Variants in COL6A2 observed in about 807,000 individuals in gnomAD.
COL6A2 encodes the protein collagen alpha-2(VI) chain.
A neutral mutation model predicts 124.9 loss-of-function variants in COL6A2; 90 were observed. The observed-to-expected ratio is 0.72, with a 90% CI of 0.61 to 0.86. The LOEUF (loss-of-function observed/expected upper bound fraction) is 0.86, where lower values mean the gene tolerates loss of function less well. Among genes scored for constraint, COL6A2 ranks in the 40% least tolerant of loss-of-function variants. The probability of loss-of-function intolerance (pLI) is 0.00; values close to 1 mark genes in which losing one functional copy is unlikely to be tolerated. For synonymous variants in COL6A2, 793 were observed against 618.2 expected (o/e 1.28, Z -4.19); for missense variants, 1,607 against 1,502.5 (o/e 1.07, Z -1.15).
chr21:46,118,762 T>A (rs2123636253), intron 13 of COL6A2, 86 bp downstream of exon 13: 4 of 1,462,740 alleles, frequency 2.7e-6, no homozygotes, highest in Non-Finnish European at 2.8e-6. Flanking sequence ...GGCCACCATC[T>A]CTGCTGTCAC....
intron 17 of COL6A2, among the ~76,000 whole-genome samples, 171 bp downstream of exon 17, chr21:46,121,294 C>T (rs1357374831): frequency 3.3e-5 from 5 of 152,172 alleles, no homozygotes; most frequent in East Asian, 1.9e-4. Flanking sequence ...TCATACCCAC[C>T]CTCAGCCCCA....
At position 46,112,435 on chromosome 21, in the gene COL6A2, C is replaced by T. The variant is rs747347320; in HGVS notation, c.572C>T (p.Ala191Val). The T allele has an allele frequency of 1.7e-5, 27 of 1,609,422 alleles. No individual in the cohort carries two copies. Among genetic ancestry groups the T allele is most frequent in the Admixed American group, 1.7e-5 (1 of 59,942 alleles). ...GAGGGCATCCGGCTCTTCGCCGTGG[C>T]CCCCAACCAGAACCTGAAGGAGCAG... ...REEGIRLFAVAPNQNLKEQGL... is the reference protein window; with the variant it reads ...REEGIRLFAVVPNQNLKEQGL... The change falls in exon 3 of 28, where the codon GCC becomes GTC. Residue 191 changes from alanine to valine, a missense_variant. Coordinates refer to ENST00000300527, the MANE Select transcript of COL6A2 (RefSeq NM_001849.4).
intron 17 of COL6A2, 88 bp from the exon 18 acceptor site, chr21:46,121,468 G>A (rs923485724): frequency 6.1e-6 from 8 of 1,312,348 alleles, no homozygotes; most frequent in Non-Finnish European, 8.8e-6. Context: ...TGGCCTGGTG[G>A]TCAGGGCTGG....
At chr21:46,102,069 A>G (rs2078294111) in intron 1 of COL6A2, among the ~76,000 whole-genome samples, 1 of 151,980 alleles carries the variant, frequency 6.6e-6, no homozygotes, top group Non-Finnish European at 1.5e-5. Flanking sequence ...GTCCTCTTCA[A>G]TTTCTTTCAG....
chr21:46,114,751 A>G (rs1173582096), intron 5 of COL6A2, among the ~76,000 whole-genome samples: 2 of 152,294 alleles, frequency 1.3e-5, no homozygotes, highest in African/African-American at 4.8e-5. Context: ...TGGTTTGAAC[A>G]TCCCCTGCAT....
intron 6 of COL6A2, 40 bp from the exon 7 acceptor site, chr21:46,115,966 GCGC>G (rs759511304): frequency 3.8e-4 from 616 of 1,612,504 alleles, no homozygotes; most frequent in Non-Finnish European, 4.8e-4. Context: ...CTGCAGCCCA[GCGC>G]CCCAGGGCTG....
At position 46,120,653 on chromosome 21, in the gene COL6A2, G is replaced by A. The variant is rs553214460; in HGVS notation, c.1395+76G>A. 9.5e-6 allele frequency: 13 copies of A among 1,364,512 alleles called. No homozygotes were observed. In the Admixed American group the frequency reaches 3.8e-4, roughly 40 times the overall value. The allele number at this position is 1,364,512 out of a possible 1,614,324, so 84.5% of individuals were successfully genotyped here. A position where few individuals can be genotyped will look rare whatever the true frequency, so the allele number is the denominator to read the frequency against. The stretch of plus-strand genomic sequence containing the variant: ...CAGGGGGGCTGCACCCCAAGGTAGG[G>A]TGGCCGGGACTGCACCCCAAGGTAG... On this transcript the variant is annotated intron_variant, in intron 16 of 27. Coordinates refer to ENST00000300527, the MANE Select transcript of COL6A2 (RefSeq NM_001849.4).
rs1428917346 is a variant in COL6A2, at chr21:46,126,193, T to C, written c.2378T>C (p.Val793Ala). ...VRNMTLFSDL[V>A]AEKFIDDMED... The stretch of plus-strand genomic sequence containing the variant: ...AACATGACGCTGTTCTCCGACCTGG[T>C]CGCTGAGAAGTTCATCGATGACATG... The change falls in exon 26 of 28, where the codon GTC (valine) becomes GCC (alanine). Residue 793 changes from valine (V) to alanine (A), a missense_variant. By Grantham distance (64) the Val-to-Ala change is moderately conservative. Coordinates refer to ENST00000300527, the MANE Select transcript of COL6A2 (RefSeq NM_001849.4). 1.2e-6 allele frequency: 2 copies of C among 1,604,052 alleles called. No homozygotes were observed. Among genetic ancestry groups the C allele is most frequent in the Non-Finnish European group, 1.7e-6 (2 of 1,179,638 alleles).
intron 1 of COL6A2, among the ~76,000 whole-genome samples, chr21:46,108,349 G>T (rs2071647978): frequency 6.6e-6 from 1 of 152,050 alleles, no homozygotes; most frequent in Admixed American, 6.5e-5. Context: ...TTAACCCAGG[G>T]TTAGATCTAC....
At chr21:46,118,566 C>T in intron 12 of COL6A2, 48 bp from the exon 13 acceptor site, 1 of 1,596,978 alleles carries the variant, frequency 6.3e-7, no homozygotes, top group Non-Finnish European at 8.6e-7. Flanking sequence ...TCCTGCACCC[C>T]CCTTCCCCTG....
At chr21:46,121,196 C>A (rs568739527) in intron 17 of COL6A2, 73 bp downstream of exon 17, 3 of 1,428,766 alleles carry the variant, frequency 2.1e-6, no homozygotes, top group East Asian at 2.3e-5. Context: ...TGGGGACAGC[C>A]TGGAGCTAGC....
chr21:46,132,720 GCCCCAGGTCT>G lies in COL6A2; in HGVS notation c.*176_*185del. 2 of 688,618 alleles carry G rather than the reference GCCCCAGGTCT, an allele frequency of 2.9e-6. No individual in the cohort carries two copies. The highest frequency in any genetic ancestry group is 4.9e-6 in the Non-Finnish European group (2 of 412,064). 42.7% of individuals were successfully genotyped at this position (688,618 alleles called of 1,614,324 possible). ...TCCCCGTAGCCCCGGCCCCCGCCCA[GCCCCAGGTCT>G]CCCCAGGCCCTCCGCAGGCTGCCCG... On this transcript the variant is annotated 3_prime_UTR_variant, in exon 28 of 28. Transcript: ENST00000300527.
intron 1 of COL6A2, among the ~76,000 whole-genome samples, chr21:46,101,347 A>C (rs915030099): frequency 2.6e-5 from 4 of 152,148 alleles, no homozygotes; most frequent in Admixed American, 6.5e-5. Flanking sequence ...ATTTTCTCTC[A>C]TTCTCTGGGT....
At chr21:46,123,344 G>A (rs534779409) in intron 21 of COL6A2, among the ~76,000 whole-genome samples, 1 of 147,852 alleles carries the variant, frequency 6.8e-6, no homozygotes, top group East Asian at 2.0e-4. Context: ...CCCCCTCAGA[G>A]TTCCTACACA....
chr21:46,114,777 G>A (rs2078449278), intron 5 of COL6A2, among the ~76,000 whole-genome samples: 1 of 152,154 alleles, frequency 6.6e-6, no homozygotes, highest in Non-Finnish European at 1.5e-5. Context: ...TAACAGAGGT[G>A]CATCAAATAA....
chr21:46,120,718 C>T (rs1568933651), intron 16 of COL6A2, 141 bp downstream of exon 16: 1 of 823,268 alleles, frequency 1.2e-6, no homozygotes, highest in Non-Finnish European at 1.9e-6. Flanking sequence ...TAAGGGGGGC[C>T]CAGGTGAGGG....
intron 27 of COL6A2, 30 bp from the exon 28 acceptor site, chr21:46,131,899 TGCCCGGTCCTGCCCACCTCCCCTCC>T: frequency 3.3e-6 from 5 of 1,495,356 alleles, no homozygotes; most frequent in South Asian, 1.2e-5. Context: ...GGCTGGCACC[TGCCCGGTCCTGCCCACCTCCCCTCC>T]GCCCAGCCCG....
chr21:46,116,826 C>T lies in COL6A2; in HGVS notation c.999+12C>T, dbSNP rs201740510. On this transcript the variant is annotated intron_variant, in intron 10 of 27. Coordinates refer to ENST00000300527, the MANE Select transcript of COL6A2 (RefSeq NM_001849.4). This position sits in a 1 kb window ranked among gnomAD's most constrained non-coding sequence, Gnocchi z 4.6. Reference sequence around the variant, plus strand: ...CCGATGGACAGAAGGTAGAGGGAGCCTCGGGCTCACAGCTGGACTGGTCTC... The same window carrying T: ...CCGATGGACAGAAGGTAGAGGGAGCTTCGGGCTCACAGCTGGACTGGTCTC... The T allele has an allele frequency of 5.3e-5, 86 of 1,612,584 alleles. No homozygotes were observed. The highest frequency in any genetic ancestry group is 6.3e-5 in the Non-Finnish European group (74 of 1,179,930).
chr21:46,121,035 C>T, intron 16 of COL6A2, 26 bp from the exon 17 acceptor site: 1 of 1,611,248 alleles, frequency 6.2e-7, no homozygotes, highest in Non-Finnish European at 8.5e-7. Context: ...GTCAAGAGAA[C>T]CCCAAATTCC....
Sources: gnomAD v4.1 joint callset for allele counts (sites outside exome capture counted in the v4.1 genomes callset) on GRCh38, gnomAD v4.1.1 for gene constraint, Gnocchi (gnomAD v3.1) non-coding constraint, MANE v1.5 for transcripts, NCBI Gene and HGNC (gene_info 2026-07-23, HGNC 2026-07-21) for gene names.